The following CDK19 variants were observed in gnomAD, a reference collection of about 807,000 sequenced individuals.
CDK19 encodes the protein cyclin-dependent kinase 19.
In CDK19, 20 loss-of-function variants were observed where a neutral mutation model predicts 68.3. The observed-to-expected ratio is 0.29, with a 90% CI of 0.21 to 0.43. The LOEUF (loss-of-function observed/expected upper bound fraction) is 0.43. Ranked by LOEUF, CDK19 falls within the 20% of genes least tolerant of loss-of-function variation. CDK19 has a pLI of 1.00. For synonymous variants in CDK19, 221 were observed against 222.8 expected, an observed-to-expected ratio of 0.99 and a Z score of 0.07; for missense variants, 339 against 623.5, an observed-to-expected ratio of 0.54 and a Z score of 4.86.
intron 1 of CDK19, among the ~76,000 whole-genome samples, chr6:110,769,026 G>A (rs545615946): frequency 3.3e-5 from 5 of 151,352 alleles, no homozygotes; most frequent in Non-Finnish European, 5.9e-5. Context: ...ATGGTGGCAC[G>A]TGCCTGTAGT....
chr6:110,719,712 T>G (rs2114733166), intron 2 of CDK19, among the ~76,000 whole-genome samples: 1 of 152,190 alleles, frequency 6.6e-6, no homozygotes, highest in African/African-American at 2.4e-5. Context: ...AGAGTTAGAA[T>G]AGTAAGCAGT....
At chr6:110,644,627 C>CAT (rs1780429225) in intron 4 of CDK19, among the ~76,000 whole-genome samples, 1 of 152,120 alleles carries the variant, frequency 6.6e-6, no homozygotes, top group Non-Finnish European at 1.5e-5. Context: ...TCATGTAACC[C>CAT]ATAAATATAC....
intron 2 of CDK19, chr6:110,670,826 T>C (rs1040773982): frequency 7.9e-6 from 4 of 504,868 alleles, no homozygotes; most frequent in African/African-American, 5.8e-5. Flanking sequence ...TTTTTAAAAA[T>C]AGGATTTTAA....
intron 2 of CDK19, among the ~76,000 whole-genome samples, chr6:110,694,350 C>A (rs1042606818): frequency 6.6e-6 from 1 of 152,068 alleles, no homozygotes; most frequent in Non-Finnish European, 1.5e-5. Context: ...TAGAAGCCAG[C>A]AGGAATAGCT....
Position 110,623,329 on chromosome 6 carries a change from C to T in CDK19, c.894G>A (p.Glu298=), listed in dbSNP as rs568519889. 6.2e-7 allele frequency: 1 copy of T among 1,613,990 alleles called. No individual in the cohort carries two copies. Among genetic ancestry groups the T allele is most frequent in the Non-Finnish European group, 8.5e-7 (1 of 1,179,894 alleles). ...YANSSLIKYM[E]KHKVKPDSKV... ...TGCTGTCAGGCTTGACCTTGTGTTT[C>T]TCCATGTACTTTATGAGGCTACTGT... Residue 298 remains glutamate (E), a synonymous_variant, in exon 9 of 13, where the codon GAG becomes GAA. Transcript: ENST00000368911.
At chr6:110,724,801 C>T (rs1776206688) in intron 2 of CDK19, among the ~76,000 whole-genome samples, 1 of 151,384 alleles carries the variant, frequency 6.6e-6, no homozygotes, top group African/African-American at 2.4e-5. Flanking sequence ...TGTTTCTGTG[C>T]CGGAATTAAG....
chr6:110,687,223 T>A (rs1203603733), intron 2 of CDK19, among the ~76,000 whole-genome samples: 1 of 152,168 alleles, frequency 6.6e-6, no homozygotes, highest in Non-Finnish European at 1.5e-5. Context: ...ATGTTGAAAG[T>A]TCCACTTTTC....
At chr6:110,655,976 T>C (rs913839019) in intron 4 of CDK19, among the ~76,000 whole-genome samples, 14 of 152,306 alleles carry the variant, frequency 9.2e-5, no homozygotes, top group East Asian at 1.9e-4. Context: ...AAAGTGCTTG[T>C]ACTTTCTTCT....
At chr6:110,726,038 G>A (rs1776290109) in intron 2 of CDK19, among the ~76,000 whole-genome samples, 1 of 151,880 alleles carries the variant, frequency 6.6e-6, no homozygotes, top group South Asian at 2.1e-4. Flanking sequence ...GTAGGGTGTT[G>A]CTATGGGAAC....
intron 2 of CDK19, among the ~76,000 whole-genome samples, chr6:110,714,578 GTTATTA>G (rs1775218110): frequency 6.6e-6 from 1 of 151,834 alleles, no homozygotes; most frequent in Non-Finnish European, 1.5e-5. Context: ...TTTCCCTTTT[GTTATTA>G]TTATTACCAT....
chr6:110,638,814 A>T, intron 4 of CDK19, 108 bp from the exon 5 acceptor site: 1 of 688,118 alleles, frequency 1.5e-6, no homozygotes, highest in East Asian at 2.7e-5. Context: ...ATTTTCATCA[A>T]AAGTAAATCA....
intron 4 of CDK19, among the ~76,000 whole-genome samples, chr6:110,657,011 C>A (rs959129484): frequency 6.6e-6 from 1 of 152,142 alleles, no homozygotes; most frequent in Non-Finnish European, 1.5e-5. Context: ...GTTTGGAATA[C>A]CCACATCCAG....
intron 2 of CDK19, among the ~76,000 whole-genome samples, chr6:110,683,032 C>T (rs1489337301): frequency 1.3e-5 from 2 of 151,548 alleles, no homozygotes; most frequent in Non-Finnish European, 2.9e-5. Flanking sequence ...AAAAATTAGC[C>T]AGGCATGGTG....
At chr6:110,682,253 T>C (rs980337250) in intron 2 of CDK19, among the ~76,000 whole-genome samples, 6 of 152,224 alleles carry the variant, frequency 3.9e-5, no homozygotes, top group Non-Finnish European at 8.8e-5. Flanking sequence ...TTCCCCTCAG[T>C]GAGAACAGTA....
At chr6:110,641,353 T>C (rs1780149920) in intron 4 of CDK19, among the ~76,000 whole-genome samples, 2 of 151,790 alleles carry the variant, frequency 1.3e-5, no homozygotes, top group African/African-American at 2.4e-5. Flanking sequence ...CCCAGGAACT[T>C]TGGAAGGCCG....
chr6:110,797,984 C>CAAAAAAAAAA (rs56710819), intron 1 of CDK19, among the ~76,000 whole-genome samples: 108 of 87,094 alleles, frequency 1.2e-3, no homozygotes, highest in Non-Finnish European at 1.5e-3. Context: ...GACTCCGTCT[C>CAAAAAAAAAA]AAAAAAAAAA....
intron 1 of CDK19, among the ~76,000 whole-genome samples, chr6:110,785,383 C>G (rs997501468): frequency 3.9e-5 from 6 of 152,138 alleles, no homozygotes; most frequent in Non-Finnish European, 8.8e-5. Flanking sequence ...TGACTGGAAA[C>G]CTCACTGATA....
intron 8 of CDK19, among the ~76,000 whole-genome samples, chr6:110,625,010 C>T (rs1000935070): frequency 3.3e-5 from 5 of 152,164 alleles, no homozygotes; most frequent in African/African-American, 1.2e-4. Context: ...TTAGCACCAC[C>T]CTGGTATATA....
intron 2 of CDK19, among the ~76,000 whole-genome samples, chr6:110,686,333 G>A (rs1212532402): frequency 6.6e-6 from 1 of 152,142 alleles, no homozygotes; most frequent in Non-Finnish European, 1.5e-5. Flanking sequence ...AGGAAATTGA[G>A]AATTTGAGCA....
Sources: allele counts gnomAD v4.1 joint callset (sites outside exome capture counted in the v4.1 genomes callset), GRCh38; gene constraint gnomAD v4.1.1; transcripts MANE v1.5; gene names NCBI Gene and HGNC (gene_info 2026-07-23, HGNC 2026-07-21).